Variants in GALNT18 observed in about 807,000 individuals in gnomAD.
GALNT18 encodes GalNAc-transferase 18.
Under a neutral mutation model 69.5 loss-of-function variants are expected in GALNT18, and 44 were observed. The observed-to-expected ratio is 0.63, with a 90% CI of 0.50 to 0.81. The LOEUF (loss-of-function observed/expected upper bound fraction) is 0.81, where lower values mean the gene tolerates loss of function less well. Among genes scored for constraint, GALNT18 ranks in the 40% least tolerant of loss-of-function variants. The pLI is 0.00. For missense variants in GALNT18, 715 were observed against 810.0 expected, an observed-to-expected ratio of 0.88 and a Z score of 1.42; for synonymous variants, 364 against 318.2, an observed-to-expected ratio of 1.14 and a Z score of -1.53.
rs1301506392 is a variant in GALNT18 at position 11,511,996 on chromosome 11, CAT to C, written c.236-63062_236-63061del. 1.8e-4 allele frequency among the ~76,000 whole-genome samples: 27 copies of C among 152,326 alleles called. No individual in the cohort carries two copies. Among genetic ancestry groups the C allele is most frequent in the South Asian group, 8.3e-4 (4 of 4,826 alleles). On this transcript the variant is annotated intron_variant, in intron 1 of 10. Transcript: ENST00000227756. The surrounding 1 kb of genome is among the most constrained non-coding windows in gnomAD (Gnocchi z 4.9). Reference sequence around the variant, plus strand: ...GTATGCATACCATCATATGTATACACATGTCTACATATATACACACATACATA... The same window carrying C: ...GTATGCATACCATCATATGTATACACGTCTACATATATACACACATACATA...
intron 6 of GALNT18, among the ~76,000 whole-genome samples, chr11:11,361,883 C>T (rs1377061998): frequency 1.3e-5 from 2 of 152,104 alleles, no homozygotes; most frequent in African/African-American, 4.8e-5. Context: ...AATCCAAGAC[C>T]TTTATGCATT....
chr11:11,414,771 G>C (rs1472946432), intron 3 of GALNT18, among the ~76,000 whole-genome samples: 1 of 152,146 alleles, frequency 6.6e-6, no homozygotes, highest in East Asian at 1.9e-4. Context: ...GTTAGTGATG[G>C]ATTCATTTTC....
At chr11:11,448,667 GCT>G in intron 2 of GALNT18, 75 bp downstream of exon 2, 11 of 1,297,482 alleles carry the variant, frequency 8.5e-6, no homozygotes, top group African/African-American at 1.5e-5. Flanking sequence ...GCCCAGTCCT[GCT>G]CTGTTCCCAG....
intron 1 of GALNT18, among the ~76,000 whole-genome samples, chr11:11,535,217 C>T (rs1454248412): frequency 6.6e-6 from 1 of 152,204 alleles, no homozygotes; most frequent in Non-Finnish European, 1.5e-5. Flanking sequence ...TGGCCCCCGG[C>T]CAGTTGGAGA....
At position 11,377,817 on chromosome 11, in the gene GALNT18, C is replaced by T. The variant is rs1281438808; in HGVS notation, c.780-438G>A. Among the ~76,000 whole-genome samples the T allele has an allele frequency of 1.3e-5, 2 of 152,128 alleles. No homozygotes were observed. The highest frequency in any genetic ancestry group is 3.9e-4 in the East Asian group (2 of 5,182). ...AAAAGACAGATGAGGATGGCAGAGA[C>T]TAGGAGCTGAGAACAAACCTACATC... On this transcript the variant is annotated intron_variant, in intron 4 of 10. Coordinates refer to ENST00000227756, the MANE Select transcript of GALNT18 (RefSeq NM_198516.3). This position sits in a 1 kb window ranked among gnomAD's most constrained non-coding sequence, Gnocchi z 4.6.
At position 11,590,572 on chromosome 11, in the gene GALNT18, T is replaced by G. The variant is rs78773709; in HGVS notation, c.235+30787A>C. 0.013 allele frequency among the ~76,000 whole-genome samples: 2,020 copies of G among 152,326 alleles called. 51 individuals carry two copies. The highest frequency in any genetic ancestry group is 0.046 in the African/African-American group (1,915 of 41,562). On this transcript the variant is annotated intron_variant, in intron 1 of 10. Coordinates refer to ENST00000227756, the MANE Select transcript of GALNT18 (RefSeq NM_198516.3). The surrounding 1 kb of genome is among the most constrained non-coding windows in gnomAD (Gnocchi z 4.4). ...TACTAGTGAGATATCACTCCCAACT[T>G]GCTTTTGAATCTGTTTCCTCATTGA...
chr11:11,408,937 G>C (rs976268594), intron 3 of GALNT18, among the ~76,000 whole-genome samples: 6 of 152,126 alleles, frequency 3.9e-5, no homozygotes, highest in Admixed American at 1.3e-4. Context: ...AGATGATCAG[G>C]CTCCAAAAGG....
chr11:11,433,178 C>T (rs1417705733), intron 2 of GALNT18, among the ~76,000 whole-genome samples: 1 of 152,254 alleles, frequency 6.6e-6, no homozygotes, highest in African/African-American at 2.4e-5. Flanking sequence ...TAACCAACAC[C>T]TAGGTGAGGC....
intron 6 of GALNT18, among the ~76,000 whole-genome samples, chr11:11,362,757 C>T (rs1042469828): frequency 6.6e-6 from 1 of 152,134 alleles, no homozygotes; most frequent in South Asian, 2.1e-4. Flanking sequence ...CTCTGAAATA[C>T]TACCCCTCTG....
At position 11,340,795 on chromosome 11, in the gene GALNT18, C is replaced by T. The variant is rs749344784; in HGVS notation, c.1278+24G>A. The T allele has an allele frequency of 3.2e-6, 5 of 1,581,874 alleles. No homozygotes were observed. The South Asian group carries it at 3.4e-5, about 11-fold the overall frequency. ...TTGTTTTCCACCAATCCCCGAGAAA[C>T]TCATCCCTACCGGAGATCCCTACCT... On this transcript the variant is annotated intron_variant, in intron 7 of 10. Coordinates refer to ENST00000227756, the MANE Select transcript of GALNT18 (RefSeq NM_198516.3). This position sits in a 1 kb window ranked among gnomAD's most constrained non-coding sequence, Gnocchi z 4.2.
At chr11:11,324,382 T>C (rs1849883843) in intron 9 of GALNT18, among the ~76,000 whole-genome samples, 1 of 152,200 alleles carries the variant, frequency 6.6e-6, no homozygotes, top group Non-Finnish European at 1.5e-5. Context: ...TCATGATACT[T>C]CCAAACTGGC....
chr11:11,410,677 G>C (rs16909617), intron 3 of GALNT18, among the ~76,000 whole-genome samples: 3,554 of 152,182 alleles, frequency 0.023, 126 homozygotes, highest in African/African-American at 0.081. Context: ...CAGATAATAT[G>C]CACACTAAGA....
Position 11,309,898 on chromosome 11 carries a change from C to G in GALNT18, c.1513-16705G>C, listed in dbSNP as rs1477116031. ...CCACCTCTCCTCACCCTGTCCCCACCCCCAGGGATATTGCTTTGTTAATTG... is the reference window on the plus strand; with the variant it reads ...CCACCTCTCCTCACCCTGTCCCCACGCCCAGGGATATTGCTTTGTTAATTG... On this transcript the variant is annotated intron_variant, in intron 9 of 10. Transcript: ENST00000227756. This position sits in a 1 kb window ranked among gnomAD's most constrained non-coding sequence, Gnocchi z 4.6. Among the ~76,000 whole-genome samples the G allele has an allele frequency of 5.9e-5, 9 of 152,136 alleles. 1 individual carries two copies. Among genetic ancestry groups the G allele is most frequent in the Admixed American group, 3.3e-4 (5 of 15,272 alleles).
chr11:11,433,038 G>C (rs139954589), intron 2 of GALNT18, among the ~76,000 whole-genome samples: 1,702 of 152,356 alleles, frequency 0.011, 23 homozygotes, highest in Middle Eastern at 0.02. Context: ...GTAATGCCAT[G>C]AGCACTTAGG....
rs1047799872 is a variant in GALNT18, at chr11:11,277,185, C to T, written c.1678-5895G>A. 2.0e-5 allele frequency among the ~76,000 whole-genome samples: 3 copies of T among 152,170 alleles called. No homozygotes were observed. The South Asian group carries it at 6.2e-4, about 32-fold the overall frequency. Reference sequence around the variant, plus strand: ...AGGCTAGTAATTATTGCCTCAATTTCAGAGCCTGTTATTGGTCTATTCAGA... The same window carrying T: ...AGGCTAGTAATTATTGCCTCAATTTTAGAGCCTGTTATTGGTCTATTCAGA... On this transcript the variant is annotated intron_variant, in intron 10 of 10. Transcript: ENST00000227756.
chr11:11,358,384 T>G (rs1489198448), intron 6 of GALNT18, among the ~76,000 whole-genome samples: 1 of 140,364 alleles, frequency 7.1e-6, no homozygotes, highest in African/African-American at 2.6e-5. Flanking sequence ...TCAAACTATC[T>G]CAAATTCTTC....
chr11:11,334,916 T>A (rs1296077367), intron 7 of GALNT18, among the ~76,000 whole-genome samples: 1 of 152,228 alleles, frequency 6.6e-6, no homozygotes, highest in African/African-American at 2.4e-5. Context: ...TGGCAGTAGA[T>A]GTAATCTACC....
Position 11,620,561 on chromosome 11 carries a change from G to C in GALNT18, c.235+798C>G, listed in dbSNP as rs1453206630. Among the ~76,000 whole-genome samples, 3 of 152,156 alleles carry C rather than the reference G, an allele frequency of 2.0e-5. No individual in the cohort carries two copies. The highest frequency in any genetic ancestry group is 4.4e-5 in the Non-Finnish European group (3 of 68,016). On this transcript the variant is annotated intron_variant, in intron 1 of 10. Coordinates refer to ENST00000227756, the MANE Select transcript of GALNT18 (RefSeq NM_198516.3). This position sits in a 1 kb window ranked among gnomAD's most constrained non-coding sequence, Gnocchi z 6.9. ...GCTGCTCCCAGGGCCTGAGAGTGGA[G>C]CTACAGTAGGGATCGGCCTTCACCC...
At position 11,432,222 on chromosome 11, in the gene GALNT18, T is replaced by G. The variant is rs1236581557; in HGVS notation, c.595+399A>C. Among the ~76,000 whole-genome samples the G allele has an allele frequency of 6.6e-6, 1 of 152,184 alleles. No homozygotes were observed. The highest frequency in any genetic ancestry group is 1.5e-5 in the Non-Finnish European group (1 of 68,028). On this transcript the variant is annotated intron_variant, in intron 3 of 10. Transcript: ENST00000227756. The surrounding 1 kb of genome is among the most constrained non-coding windows in gnomAD (Gnocchi z 5.8). ...CCAGCACCATCATCACCACTGCCAC[T>G]GCTAACATAACACCAGTGAACAATC... is the stretch of plus-strand genomic sequence containing the variant.
Sources: allele counts gnomAD v4.1 joint callset (sites outside exome capture counted in the v4.1 genomes callset), GRCh38; gene constraint gnomAD v4.1.1; non-coding constraint Gnocchi (gnomAD v3.1); transcripts MANE v1.5; gene names NCBI Gene and HGNC (gene_info 2026-07-23, HGNC 2026-07-21).